The following AGBL4 variants were observed in gnomAD, a reference collection of about 807,000 sequenced individuals.
The protein encoded by AGBL4 is AGBL carboxypeptidase 4, also known as cytosolic carboxypeptidase 6.
Under a neutral mutation model 66.4 loss-of-function variants are expected in AGBL4, and 58 were observed. The ratio of observed to expected loss-of-function variants is 0.87; its 90% CI spans 0.71 to 1.09. The LOEUF (loss-of-function observed/expected upper bound fraction) is 1.09, where lower values mean the gene tolerates loss of function less well. Ranked by LOEUF, AGBL4 falls within the 50% of genes least tolerant of loss-of-function variation. AGBL4 has a pLI of 0.00. For synonymous variants in AGBL4, 234 were observed against 222.9 expected (o/e 1.05, Z -0.44); for missense variants, 579 against 631.0 (o/e 0.92, Z 0.88).
intron 3 of AGBL4, among the ~76,000 whole-genome samples, chr1:49,370,132 TA>T (rs944381546): frequency 7.0e-5 from 9 of 128,960 alleles, no homozygotes; most frequent in African/African-American, 2.4e-4. Flanking sequence ...TTTTATATTA[TA>T]AATTATAATA....
intron 8 of AGBL4, among the ~76,000 whole-genome samples, chr1:48,637,360 G>A (rs1023216584): frequency 3.9e-5 from 6 of 152,158 alleles, no homozygotes; most frequent in Admixed American, 3.9e-4. Flanking sequence ...CAGGTGAAGT[G>A]GGCATTTGTC....
intron 3 of AGBL4, among the ~76,000 whole-genome samples, chr1:49,528,064 A>G (rs1410973212): frequency 6.6e-6 from 1 of 152,102 alleles, no homozygotes; most frequent in Non-Finnish European, 1.5e-5. Flanking sequence ...GTCCCCTACA[A>G]AGTGACTGAT....
intron 6 of AGBL4, among the ~76,000 whole-genome samples, chr1:48,803,374 C>G (rs1479624629): frequency 6.6e-6 from 1 of 152,222 alleles, no homozygotes; most frequent in East Asian, 1.9e-4. Flanking sequence ...ACCAATCTCC[C>G]TCTGCCTACA....
chr1:48,884,039 G>A (rs1202717572), intron 5 of AGBL4, among the ~76,000 whole-genome samples: 1 of 152,184 alleles, frequency 6.6e-6, no homozygotes, highest in African/African-American at 2.4e-5. Flanking sequence ...TACTCTACAA[G>A]CATTCTATAA....
Position 49,332,674 on chromosome 1 carries a change from G to C in AGBL4, c.283-86810C>G, listed in dbSNP as rs1171014738. 2.6e-5 allele frequency among the ~76,000 whole-genome samples: 4 copies of C among 152,232 alleles called. No individual in the cohort carries two copies. The East Asian group carries it at 7.7e-4, about 29-fold the overall frequency. Reference sequence around the variant, plus strand: ...TATAAGTGAATCTTAGTAACATCAAGTTTAACAAGCCAGTTTCAGAAGAGT... The same window carrying C: ...TATAAGTGAATCTTAGTAACATCAACTTTAACAAGCCAGTTTCAGAAGAGT... On this transcript the variant is annotated intron_variant, in intron 3 of 13. Coordinates refer to ENST00000371839, the MANE Select transcript of AGBL4 (RefSeq NM_032785.4).
chr1:49,403,541 T>G (rs1450859917), intron 3 of AGBL4, among the ~76,000 whole-genome samples: 1 of 152,238 alleles, frequency 6.6e-6, no homozygotes, highest in African/African-American at 2.4e-5. Flanking sequence ...GCTATTTGAA[T>G]TTTCTGTCTG....
intron 3 of AGBL4, among the ~76,000 whole-genome samples, chr1:49,329,679 A>C (rs1238940101): frequency 1.3e-5 from 2 of 150,430 alleles, no homozygotes; most frequent in African/African-American, 2.4e-5. Flanking sequence ...CGCCAAAAAA[A>C]AGCACATGTG....
chr1:48,610,455 G>T (rs1645220468), intron 9 of AGBL4, among the ~76,000 whole-genome samples: 1 of 152,190 alleles, frequency 6.6e-6, no homozygotes, highest in Non-Finnish European at 1.5e-5. Flanking sequence ...AGGGCAGTGG[G>T]TGCATCCCTA....
At chr1:49,362,239 C>T (rs956589296) in intron 3 of AGBL4, among the ~76,000 whole-genome samples, 2 of 152,080 alleles carry the variant, frequency 1.3e-5, no homozygotes, top group African/African-American at 4.8e-5. Context: ...GAAAACACTA[C>T]AGAGAACCCC....
At chr1:49,919,092 A>G (rs1651908207) in intron 1 of AGBL4, among the ~76,000 whole-genome samples, 1 of 152,226 alleles carries the variant, frequency 6.6e-6, no homozygotes, top group African/African-American at 2.4e-5. Flanking sequence ...TCTCAAAATA[A>G]TAAGAGCTAT....
At chr1:48,793,006 A>G (rs12071377) in intron 6 of AGBL4, among the ~76,000 whole-genome samples, 11,431 of 152,188 alleles carry the variant, frequency 0.075, 583 homozygotes, top group East Asian at 0.17. Context: ...AGCCCAGCTA[A>G]AAGTCTCTAA....
At chr1:48,980,718 AATATATATATATAT>A (rs544711494) in intron 5 of AGBL4, among the ~76,000 whole-genome samples, 102 of 92,290 alleles carry the variant, frequency 1.1e-3, no homozygotes, top group South Asian at 1.5e-3. Flanking sequence ...GTAAAGAAGA[AATATATATATATAT>A]ATATATATAT....
At chr1:49,858,076 C>T (rs1646477689) in intron 1 of AGBL4, among the ~76,000 whole-genome samples, 1 of 152,044 alleles carries the variant, frequency 6.6e-6, no homozygotes, top group African/African-American at 2.4e-5. Context: ...AGATATTTCT[C>T]AAAAGGAGAC....
chr1:48,674,342 T>C (rs538558319), intron 6 of AGBL4, among the ~76,000 whole-genome samples: 1 of 152,274 alleles, frequency 6.6e-6, no homozygotes, highest in Non-Finnish European at 1.5e-5. Context: ...GGAATAAGAC[T>C]CAAGAGGTGG....
rs190160254 is a variant in AGBL4 at position 48,539,707 on chromosome 1, G to C, written c.1299C>G (p.Thr433=). The change falls in exon 12 of 14, where the codon ACC becomes ACG. Residue 433 remains threonine, a synonymous_variant. Coordinates refer to ENST00000371839, the MANE Select transcript of AGBL4 (RefSeq NM_032785.4). ...YMKLGRNVAR[T]FLDYYRLNPV... ...GGTTCAGCCGATAATAGTCCAAAAA[G>C]GTTCTTGCCACATTCCGCCCCAGCT... is the stretch of plus-strand genomic sequence containing the variant. 2.6e-6 allele frequency: 4 copies of C among 1,543,938 alleles called. No individual in the cohort carries two copies. In the Admixed American group the frequency reaches 7.9e-5, roughly 31 times the overall value.
intron 1 of AGBL4, among the ~76,000 whole-genome samples, chr1:49,939,165 AAGG>A (rs1654464021): frequency 6.6e-6 from 1 of 152,060 alleles, no homozygotes; most frequent in Non-Finnish European, 1.5e-5. Flanking sequence ...GGACCTCTTC[AAGG>A]AGAACTACAA....
At chr1:49,263,376 A>T (rs1023189051) in intron 3 of AGBL4, among the ~76,000 whole-genome samples, 1 of 152,150 alleles carries the variant, frequency 6.6e-6, no homozygotes, top group South Asian at 2.1e-4. Flanking sequence ...AGATAAAAAA[A>T]TAGAGTAATC....
chr1:48,898,195 G>C (rs1651725994), intron 5 of AGBL4, among the ~76,000 whole-genome samples: 1 of 151,974 alleles, frequency 6.6e-6, no homozygotes, highest in Non-Finnish European at 1.5e-5. Flanking sequence ...CTTTGTTCTG[G>C]TCATTAATCC....
intron 6 of AGBL4, among the ~76,000 whole-genome samples, chr1:48,673,839 G>C (rs1483658081): frequency 3.3e-5 from 5 of 152,208 alleles, no homozygotes; most frequent in Non-Finnish European, 5.9e-5. Flanking sequence ...GAAGCATTCA[G>C]GTACTCAACA....
Sources: allele counts gnomAD v4.1 joint callset (sites outside exome capture counted in the v4.1 genomes callset), GRCh38; gene constraint gnomAD v4.1.1; transcripts MANE v1.5; gene names NCBI Gene and HGNC (gene_info 2026-07-23, HGNC 2026-07-21).